LTBP1: variants seen among roughly 807,000 people sequenced by gnomAD.
LTBP1 encodes latent-transforming growth factor beta-binding protein 1.
A neutral mutation model predicts 207.6 loss-of-function variants in LTBP1; 129 were observed. That is an observed-to-expected ratio of 0.62 (90% CI 0.54 to 0.72). The LOEUF (loss-of-function observed/expected upper bound fraction) is 0.72. Among genes scored for constraint, LTBP1 ranks in the 30% least tolerant of loss-of-function variants. The pLI is 0.00. For synonymous variants in LTBP1, 963 were observed against 833.7 expected, an observed-to-expected ratio of 1.16 and a Z score of -2.67; for missense variants, 2,281 against 2,217.2, an observed-to-expected ratio of 1.03 and a Z score of -0.58.
chr2:33,280,001 T>C, intron 18 of LTBP1, 38 bp from the exon 19 acceptor site: 2 of 1,609,352 alleles, frequency 1.2e-6, no homozygotes, highest in South Asian at 1.1e-5. Flanking sequence ...TTTGGTATTC[T>C]GATAAAATGT....
intron 11 of LTBP1, among the ~76,000 whole-genome samples, chr2:33,256,730 A>ATATATATATATATATATATC (rs2092866274): frequency 1.8e-4 from 1 of 5,588 alleles, no homozygotes; most frequent in Admixed American, 2.1e-3. Context: ...CTAACTATAT[A>ATATATATATATATATATATC]TATATATATA....
At chr2:32,947,879 C>T (rs968434378) in intron 1 of LTBP1, 61 bp downstream of exon 1, 1 of 1,261,498 alleles carries the variant, frequency 7.9e-7, no homozygotes, top group Non-Finnish European at 1.0e-6. Flanking sequence ...GCGGAGGGAC[C>T]TGCGGGGTCA....
At chr2:33,039,969 C>T (rs1306901235) in intron 3 of LTBP1, among the ~76,000 whole-genome samples, 2 of 151,820 alleles carry the variant, frequency 1.3e-5, no homozygotes, top group Non-Finnish European at 2.9e-5. Context: ...TGTAAAATCT[C>T]GGGAGTGCAG....
chr2:33,251,620 G>A lies in LTBP1; in HGVS notation c.2000-1057G>A, dbSNP rs193099816. Among the ~76,000 whole-genome samples, 117 of 143,908 alleles carry A rather than the reference G, an allele frequency of 8.1e-4. 1 individual carries two copies. Among genetic ancestry groups the A allele is most frequent in the Admixed American group, 1.4e-3 (20 of 13,830 alleles). 94.4% of individuals were successfully genotyped at this position (143,908 alleles called of 152,430 possible). A position where few individuals can be genotyped will look rare whatever the true frequency, so the allele number is the denominator to read the frequency against. ...GTGGAGCTTGCAGTGAGCTGAGATC[G>A]CGCCACTGCACTCCGGCCTCGGCAA... On this transcript the variant is annotated intron_variant, in intron 10 of 33. Coordinates refer to ENST00000404816, the MANE Select transcript of LTBP1 (RefSeq NM_206943.4).
intron 5 of LTBP1, among the ~76,000 whole-genome samples, chr2:33,150,203 C>T (rs940216609): frequency 2.6e-5 from 4 of 152,074 alleles, no homozygotes; most frequent in East Asian, 3.9e-4. Context: ...AGCAGTCTTC[C>T]GTTATGTTTT....
At chr2:33,034,203 G>T (rs1456196875) in intron 3 of LTBP1, among the ~76,000 whole-genome samples, 2 of 148,846 alleles carry the variant, frequency 1.3e-5, no homozygotes, top group African/African-American at 2.5e-5. Flanking sequence ...AGAAGAAAGA[G>T]ACGAGACTTG....
chr2:32,975,726 G>C (rs1452539514), intron 2 of LTBP1, among the ~76,000 whole-genome samples: 1 of 147,136 alleles, frequency 6.8e-6, no homozygotes. Context: ...TGAAATTCTT[G>C]TTGTGAGTTT....
At chr2:33,048,448 C>G (rs1473447852) in intron 3 of LTBP1, among the ~76,000 whole-genome samples, 1 of 152,184 alleles carries the variant, frequency 6.6e-6, no homozygotes, top group African/African-American at 2.4e-5. Context: ...TAAATGTTGA[C>G]CAGGCACATT....
At chr2:32,985,664 G>A (rs1315208885) in intron 2 of LTBP1, among the ~76,000 whole-genome samples, 5 of 152,196 alleles carry the variant, frequency 3.3e-5, no homozygotes, top group Non-Finnish European at 7.3e-5. Context: ...ATACATGAGA[G>A]ATTCATTTGT....
intron 3 of LTBP1, among the ~76,000 whole-genome samples, chr2:33,070,851 G>T (rs1486124630): frequency 6.6e-6 from 1 of 152,150 alleles, no homozygotes; most frequent in Non-Finnish European, 1.5e-5. Context: ...CAGGGGAATA[G>T]GGTCAAAACT....
chr2:33,382,423 A>G (rs559099802), intron 31 of LTBP1, among the ~76,000 whole-genome samples: 159 of 151,904 alleles, frequency 1.0e-3, no homozygotes, highest in African/African-American at 3.8e-3. Context: ...CTTATCTATT[A>G]TACATGCTTA....
intron 24 of LTBP1, among the ~76,000 whole-genome samples, chr2:33,318,756 CT>C (rs972172404): frequency 6.6e-6 from 1 of 152,170 alleles, no homozygotes. Flanking sequence ...ACAAAGGAAA[CT>C]TTTTCTTTCA....
At chr2:33,315,521 G>T (rs536644652) in intron 24 of LTBP1, among the ~76,000 whole-genome samples, 1 of 152,320 alleles carries the variant, frequency 6.6e-6, no homozygotes, top group Non-Finnish European at 1.5e-5. Flanking sequence ...TTAATGAGTG[G>T]AAATGTGCAA....
chr2:33,327,990 C>T (rs1401375772), intron 24 of LTBP1, among the ~76,000 whole-genome samples: 1 of 151,684 alleles, frequency 6.6e-6, no homozygotes, highest in African/African-American at 2.4e-5. Flanking sequence ...CAAAAATTAG[C>T]CAGGCATGAT....
chr2:33,118,446 G>T (rs1001554408), intron 4 of LTBP1, among the ~76,000 whole-genome samples: 2 of 152,194 alleles, frequency 1.3e-5, no homozygotes, highest in African/African-American at 2.4e-5. Context: ...TAAGCTCCTT[G>T]TCCCATGCTC....
intron 3 of LTBP1, among the ~76,000 whole-genome samples, chr2:33,077,653 G>A (rs921543328): frequency 6.6e-6 from 1 of 152,046 alleles, no homozygotes; most frequent in Non-Finnish European, 1.5e-5. Flanking sequence ...CCCCCGAACC[G>A]GCCCCACCTC....
At chr2:33,149,229 A>AAAAC (rs2083307357) in intron 5 of LTBP1, among the ~76,000 whole-genome samples, 3 of 52,786 alleles carry the variant, frequency 5.7e-5, no homozygotes, top group Admixed American at 1.7e-4. Context: ...ACAAAAAAAC[A>AAAAC]AAAAAAAAAA....
intron 2 of LTBP1, among the ~76,000 whole-genome samples, chr2:33,006,507 C>T (rs1202202336): frequency 6.6e-6 from 1 of 151,088 alleles, no homozygotes; most frequent in East Asian, 2.0e-4. Flanking sequence ...TTCAGCCTCC[C>T]AAGTAGCTGG....
In LTBP1 at chr2:33,285,035, C is replaced by CTT. The variant is rs934497674; in HGVS notation, c.3112+4897_3112+4898dup. Among the ~76,000 whole-genome samples, 339 of 120,124 alleles carry CTT rather than the reference C, an allele frequency of 2.8e-3. 4 individuals are homozygous for CTT. The highest frequency in any genetic ancestry group is 9.0e-3 in the African/African-American group (281 of 31,312). The allele number at this position is 120,124 out of a possible 152,430, so 78.8% of individuals were successfully genotyped here. On this transcript the variant is annotated intron_variant, in intron 19 of 33. Coordinates refer to ENST00000404816, the MANE Select transcript of LTBP1 (RefSeq NM_206943.4). Reference sequence around the variant, plus strand: ...GGTAAAGTAAGTTATGTATCACATTCTTTTTTTTTTTTTTTTTTTTTCTGA... The same window carrying CTT: ...GGTAAAGTAAGTTATGTATCACATTCTTTTTTTTTTTTTTTTTTTTTTTCTGA...
Sources: gnomAD v4.1 joint callset for allele counts (sites outside exome capture counted in the v4.1 genomes callset) on GRCh38, gnomAD v4.1.1 for gene constraint, MANE v1.5 for transcripts, NCBI Gene and HGNC (gene_info 2026-07-23, HGNC 2026-07-21) for gene names.